The following UBE2E2 variants were observed in gnomAD, a reference collection of about 807,000 sequenced individuals.
UBE2E2 encodes the protein ubiquitin conjugating enzyme E2 E2.
UBE2E2 carries 6 observed loss-of-function variants against 24.7 expected under a neutral mutation model. The ratio of observed to expected loss-of-function variants is 0.24; its 90% CI spans 0.13 to 0.48. UBE2E2 has a LOEUF of 0.48. Among genes scored for constraint, UBE2E2 ranks in the 20% least tolerant of loss-of-function variants. The probability of loss-of-function intolerance (pLI) is 0.99; values close to 1 mark genes in which losing one functional copy is unlikely to be tolerated. For missense variants in UBE2E2, 169 were observed against 245.0 expected (o/e 0.69, Z 2.07); for synonymous variants, 104 against 83.6 (o/e 1.24, Z -1.33).
chr3:23,225,603 CATAA>C (rs1246682896), intron 3 of UBE2E2, among the ~76,000 whole-genome samples: 1 of 152,172 alleles, frequency 6.6e-6, no homozygotes, highest in Non-Finnish European at 1.5e-5. Flanking sequence ...ATCAGTGGAT[CATAA>C]ATGTGAAGAT....
At chr3:23,513,586 A>T (rs1694657211) in intron 4 of UBE2E2, among the ~76,000 whole-genome samples, 1 of 152,170 alleles carries the variant, frequency 6.6e-6, no homozygotes, top group South Asian at 2.1e-4. Context: ...AAGTGGAATT[A>T]CTGGGACTAA....
chr3:23,257,315 C>T (rs1354819448), intron 3 of UBE2E2, among the ~76,000 whole-genome samples: 1 of 152,158 alleles, frequency 6.6e-6, no homozygotes, highest in Non-Finnish European at 1.5e-5. Flanking sequence ...GCAGGACTAG[C>T]TCTTCACTGG....
intron 3 of UBE2E2, among the ~76,000 whole-genome samples, chr3:23,326,079 T>C (rs1694883143): frequency 6.6e-6 from 1 of 152,220 alleles, no homozygotes; most frequent in African/African-American, 2.4e-5. Context: ...TATTTTTATT[T>C]ATTTATTTTT....
intron 1 of UBE2E2, among the ~76,000 whole-genome samples, chr3:23,206,645 CTT>C (rs1446484082): frequency 3.9e-5 from 6 of 152,076 alleles, no homozygotes; most frequent in South Asian, 4.1e-4. Context: ...TCTGTTGACT[CTT>C]TGTGGCTCTG....
At chr3:23,438,584 A>G (rs1021976332) in intron 3 of UBE2E2, among the ~76,000 whole-genome samples, 1 of 152,250 alleles carries the variant, frequency 6.6e-6, no homozygotes, top group Non-Finnish European at 1.5e-5. Context: ...TAAGTTTTAT[A>G]GCATTATGAT....
intron 3 of UBE2E2, among the ~76,000 whole-genome samples, chr3:23,316,395 A>G (rs1310454877): frequency 6.6e-6 from 1 of 151,286 alleles, no homozygotes; most frequent in Non-Finnish European, 1.5e-5. Flanking sequence ...GTCCATTGTC[A>G]CCACAGGCCC....
At chr3:23,582,780 C>G (rs191087520) in intron 5 of UBE2E2, among the ~76,000 whole-genome samples, 5 of 151,784 alleles carry the variant, frequency 3.3e-5, no homozygotes, top group Admixed American at 2.0e-4. Flanking sequence ...TCCATGTAGA[C>G]TCTGGATATT....
At chr3:23,348,624 C>T (rs1695632442) in intron 3 of UBE2E2, among the ~76,000 whole-genome samples, 1 of 152,054 alleles carries the variant, frequency 6.6e-6, no homozygotes, top group Non-Finnish European at 1.5e-5. Context: ...TCAGTCCATC[C>T]CATTTAGGTA....
At chr3:23,568,739 A>G (rs1696150054) in intron 5 of UBE2E2, among the ~76,000 whole-genome samples, 2 of 84,726 alleles carry the variant, frequency 2.4e-5, no homozygotes, top group South Asian at 4.0e-4. Context: ...GTATACATAT[A>G]TATATATATA....
intron 3 of UBE2E2, among the ~76,000 whole-genome samples, chr3:23,263,383 T>C (rs1697955142): frequency 1.3e-5 from 2 of 152,348 alleles, no homozygotes; most frequent in South Asian, 4.1e-4. Context: ...AGTAATTAAA[T>C]GAGTTAACTT....
At chr3:23,558,390 A>G (rs1695840432) in intron 5 of UBE2E2, among the ~76,000 whole-genome samples, 1 of 152,200 alleles carries the variant, frequency 6.6e-6, no homozygotes, top group African/African-American at 2.4e-5. Context: ...ACATAGATGT[A>G]CAGACATATC....
intron 3 of UBE2E2, among the ~76,000 whole-genome samples, chr3:23,458,445 G>T (rs989714903): frequency 6.6e-6 from 1 of 151,886 alleles, no homozygotes; most frequent in Admixed American, 6.6e-5. Flanking sequence ...TGTTTGAGAC[G>T]GAGTCTCTAT....
rs1696439597 is a variant in UBE2E2, at chr3:23,373,212, C to T, written c.228-126396C>T. ...ACTCTTATGAGTGGTCTTTATCTTT[C>T]TCTGAGTGGGTTCTAAGTAAAACAC... is the stretch of plus-strand genomic sequence containing the variant. On this transcript the variant is annotated intron_variant, in intron 3 of 5. Coordinates refer to ENST00000396703, the MANE Select transcript of UBE2E2 (RefSeq NM_152653.4). 2.0e-5 allele frequency among the ~76,000 whole-genome samples: 3 copies of T among 152,130 alleles called. No individual in the cohort carries two copies. The South Asian group carries it at 6.2e-4, about 32-fold the overall frequency.
chr3:23,296,758 G>A (rs559489894), intron 3 of UBE2E2, among the ~76,000 whole-genome samples: 18 of 152,208 alleles, frequency 1.2e-4, no homozygotes, highest in South Asian at 2.1e-4. Flanking sequence ...GAATAGTGCC[G>A]CAATAAACAT....
intron 3 of UBE2E2, among the ~76,000 whole-genome samples, chr3:23,498,067 T>C (rs926012629): frequency 3.3e-5 from 5 of 152,242 alleles, no homozygotes; most frequent in African/African-American, 1.2e-4. Flanking sequence ...ATATGATTAT[T>C]GGCCATTTAT....
intron 3 of UBE2E2, among the ~76,000 whole-genome samples, chr3:23,224,769 C>G (rs533909390): frequency 1.3e-5 from 2 of 151,960 alleles, no homozygotes; most frequent in South Asian, 4.1e-4. Context: ...ATTGTTTCCA[C>G]TTTTTTGCTA....
intron 3 of UBE2E2, among the ~76,000 whole-genome samples, chr3:23,379,491 G>A (rs975479272): frequency 2.7e-5 from 4 of 147,248 alleles, no homozygotes; most frequent in East Asian, 2.0e-4. Flanking sequence ...GAGAATATGC[G>A]GTGTTTGGTT....
At position 23,398,379 on chromosome 3, in the gene UBE2E2, A is replaced by G. The variant is rs371361608; in HGVS notation, c.228-101229A>G. 8.9e-4 allele frequency among the ~76,000 whole-genome samples: 135 copies of G among 151,914 alleles called. 2 individuals are homozygous for G. In the South Asian group the frequency reaches 0.028, roughly 31 times the overall value. On this transcript the variant is annotated intron_variant, in intron 3 of 5. Transcript: ENST00000396703. Reference sequence around the variant, plus strand: ...AACACCTTTGGATTTTTCCAAAGTAATCACTATGTTTTGGAATGTCTAATC... The same window carrying G: ...AACACCTTTGGATTTTTCCAAAGTAGTCACTATGTTTTGGAATGTCTAATC...
intron 3 of UBE2E2, among the ~76,000 whole-genome samples, chr3:23,311,870 C>T (rs1694405214): frequency 6.6e-6 from 1 of 152,164 alleles, no homozygotes; most frequent in Non-Finnish European, 1.5e-5. Context: ...GTGTTACAAA[C>T]AATACAGTTA....
Sources: allele counts gnomAD v4.1 joint callset (sites outside exome capture counted in the v4.1 genomes callset), GRCh38; gene constraint gnomAD v4.1.1; transcripts MANE v1.5; gene names NCBI Gene and HGNC (gene_info 2026-07-23, HGNC 2026-07-21).